Variants in HDAC4 observed in about 807,000 individuals in gnomAD.
HDAC4 encodes histone deacetylase 4.
In HDAC4, 16 loss-of-function variants were observed where a neutral mutation model predicts 135.1. That is an observed-to-expected ratio of 0.12 (90% confidence interval 0.08 to 0.18). The LOEUF (loss-of-function observed/expected upper bound fraction) is 0.18. HDAC4 is among the 10% of genes least tolerant of loss of function. The pLI, the probability that HDAC4 is intolerant of heterozygous loss-of-function variation, is 1.00. For missense variants in HDAC4, 1,143 were observed against 1,511.8 expected (o/e 0.76, Z 4.05); for synonymous variants, 685 against 653.4 (o/e 1.05, Z -0.74).
intron 5 of HDAC4, among the ~76,000 whole-genome samples, chr2:239,168,632 T>C (rs2043256832): frequency 6.6e-6 from 1 of 152,190 alleles, no homozygotes; most frequent in Non-Finnish European, 1.5e-5. Flanking sequence ...CTGGCGGTGC[T>C]TCGTGTCCCC....
chr2:239,072,499 C>G (rs918816087), intron 22 of HDAC4, among the ~76,000 whole-genome samples: 1 of 152,230 alleles, frequency 6.6e-6, no homozygotes, highest in Non-Finnish European at 1.5e-5. Context: ...AAGCACACTT[C>G]TGTGTCCCCA....
At chr2:239,099,129 T>C (rs1183275492) in intron 16 of HDAC4, among the ~76,000 whole-genome samples, 1 of 152,208 alleles carries the variant, frequency 6.6e-6, no homozygotes, top group Non-Finnish European at 1.5e-5. Context: ...CTTAGAAACC[T>C]AAGCAAGGTG....
intron 7 of HDAC4, among the ~76,000 whole-genome samples, chr2:239,153,431 T>A (rs1003536922): frequency 6.6e-6 from 1 of 152,230 alleles, no homozygotes; most frequent in African/African-American, 2.4e-5. Flanking sequence ...TTTAATGACG[T>A]GTTTCATATT....
chr2:239,256,230 C>T (rs2049044810), intron 2 of HDAC4, among the ~76,000 whole-genome samples: 1 of 152,186 alleles, frequency 6.6e-6, no homozygotes, highest in South Asian at 2.1e-4. Context: ...GGGGCTCCTT[C>T]TAGGAGGCTT....
intron 2 of HDAC4, among the ~76,000 whole-genome samples, chr2:239,276,351 C>A (rs2050364738): frequency 6.6e-6 from 1 of 152,240 alleles, no homozygotes; most frequent in African/African-American, 2.4e-5. Flanking sequence ...GACTCAGCAG[C>A]CCCTCTGCCT....
At chr2:239,376,954 G>A (rs1382812459) in intron 1 of HDAC4, among the ~76,000 whole-genome samples, 1 of 152,066 alleles carries the variant, frequency 6.6e-6, no homozygotes, top group Non-Finnish European at 1.5e-5. Context: ...CTTATTGGAA[G>A]GGGAGCTATT....
chr2:239,198,505 C>G (rs1173220162), intron 3 of HDAC4, among the ~76,000 whole-genome samples: 1 of 152,204 alleles, frequency 6.6e-6, no homozygotes, highest in Non-Finnish European at 1.5e-5. Context: ...GACTAGCCCC[C>G]CGTTCTTGCT....
chr2:239,132,965 C>A (rs3791465), intron 11 of HDAC4, among the ~76,000 whole-genome samples: 1 of 152,122 alleles, frequency 6.6e-6, no homozygotes, highest in African/African-American at 2.4e-5. Context: ...GAGAGATCCG[C>A]GTGCCTGCCA....
chr2:239,364,324 T>C (rs1002789846), intron 1 of HDAC4, among the ~76,000 whole-genome samples: 5 of 152,248 alleles, frequency 3.3e-5, no homozygotes, highest in Non-Finnish European at 7.3e-5. Flanking sequence ...GATGTCATCA[T>C]ACCACAGAAC....
chr2:239,311,973 T>G (rs570893052), intron 2 of HDAC4, among the ~76,000 whole-genome samples: 259 of 152,222 alleles, frequency 1.7e-3, no homozygotes, highest in African/African-American at 5.8e-3. Context: ...TGTGGTTCCC[T>G]GGGGCCCTAG....
chr2:239,319,574 C>G (rs544687057), intron 2 of HDAC4, among the ~76,000 whole-genome samples: 15 of 152,300 alleles, frequency 9.8e-5, no homozygotes, highest in African/African-American at 3.6e-4. Context: ...ACCCGGCACT[C>G]CCATTCCCAG....
intron 1 of HDAC4, among the ~76,000 whole-genome samples, chr2:239,384,073 G>C (rs892402122): frequency 2.6e-5 from 4 of 152,228 alleles, no homozygotes; most frequent in Admixed American, 1.3e-4. Flanking sequence ...CAGAGAAGCA[G>C]CTCGTGGGCA....
At chr2:239,104,394 A>C (rs2037936695) in intron 15 of HDAC4, among the ~76,000 whole-genome samples, 1 of 151,990 alleles carries the variant, frequency 6.6e-6, no homozygotes, top group Non-Finnish European at 1.5e-5. Context: ...ACACCTGGCT[A>C]ATTTTTGTAT....
At chr2:239,132,751 T>C (rs570902403) in intron 11 of HDAC4, among the ~76,000 whole-genome samples, 50 of 152,352 alleles carry the variant, frequency 3.3e-4, no homozygotes, top group Middle Eastern at 6.8e-3. Context: ...TATTTAATCG[T>C]GCAGAATAAA....
chr2:239,172,577 G>GTATC (rs1237583818), intron 5 of HDAC4, among the ~76,000 whole-genome samples: 2 of 151,972 alleles, frequency 1.3e-5, no homozygotes, highest in Non-Finnish European at 2.9e-5. Flanking sequence ...AATGCTCTAT[G>GTATC]TATCTATATC....
chr2:239,209,378 A>G (rs1246587078), intron 3 of HDAC4, among the ~76,000 whole-genome samples: 1 of 152,224 alleles, frequency 6.6e-6, no homozygotes, highest in Non-Finnish European at 1.5e-5. Context: ...GGTGGTCCCA[A>G]AGAGGGTAGA....
At chr2:239,176,152 C>T (rs772407973) in intron 5 of HDAC4, among the ~76,000 whole-genome samples, 1 of 152,202 alleles carries the variant, frequency 6.6e-6, no homozygotes, top group East Asian at 1.9e-4. Flanking sequence ...CCTCACCTTC[C>T]GGAGTCCATG....
chr2:239,232,919 TCCCC>T (rs1559261874), intron 3 of HDAC4, among the ~76,000 whole-genome samples: 7 of 128,238 alleles, frequency 5.5e-5, no homozygotes, highest in Non-Finnish European at 1.0e-4. Context: ...GGGTGGCCCT[TCCCC>T]TCAGCAAGCC....
chr2:239,109,297 C>T (rs1034027809), intron 14 of HDAC4, among the ~76,000 whole-genome samples: 19 of 152,206 alleles, frequency 1.2e-4, no homozygotes, highest in East Asian at 7.7e-4. Context: ...AAGGGCGGGG[C>T]GCACGGTGAA....
Sources: gnomAD v4.1 joint callset for allele counts (sites outside exome capture counted in the v4.1 genomes callset) on GRCh38, gnomAD v4.1.1 for gene constraint, MANE v1.5 for transcripts, NCBI Gene and HGNC (gene_info 2026-07-23, HGNC 2026-07-21) for gene names.